FHIT: variants seen among roughly 807,000 people sequenced by gnomAD.
The protein encoded by FHIT is bis(5'-adenosyl)-triphosphatase.
Under a neutral mutation model 17.9 loss-of-function variants are expected in FHIT, and 19 were observed. The ratio of observed to expected loss-of-function variants is 1.06; its 90% confidence interval spans 0.74 to 1.56. FHIT has a LOEUF of 1.56. FHIT is among the 40% of genes most tolerant of loss of function. The pLI, the probability that FHIT is intolerant of heterozygous loss-of-function variation, is 0.00. For synonymous variants in FHIT, 81 were observed against 69.7 expected (o/e 1.16, Z -0.81); for missense variants, 248 against 189.2 (o/e 1.31, Z -1.82).
chr3:60,066,729 T>C (rs1328918941), intron 5 of FHIT, among the ~76,000 whole-genome samples: 1 of 136,724 alleles, frequency 7.3e-6, no homozygotes, highest in Non-Finnish European at 1.5e-5. Flanking sequence ...CGATCTCGGC[T>C]CACTGCAAGC....
intron 5 of FHIT, among the ~76,000 whole-genome samples, chr3:60,524,519 C>T (rs561659577): frequency 1.2e-4 from 18 of 152,024 alleles, no homozygotes; most frequent in African/African-American, 3.4e-4. Context: ...TGGATCTGAG[C>T]GAATGTGGGG....
chr3:60,728,735 G>T (rs1461238633), intron 4 of FHIT, among the ~76,000 whole-genome samples: 1 of 140,802 alleles, frequency 7.1e-6, no homozygotes, highest in Non-Finnish European at 1.5e-5. Flanking sequence ...ACACACAATT[G>T]GCATGCAACA....
chr3:61,094,023 C>T (rs766893759), intron 2 of FHIT, among the ~76,000 whole-genome samples: 6 of 152,012 alleles, frequency 3.9e-5, no homozygotes, highest in Non-Finnish European at 7.4e-5. Flanking sequence ...ATGAGTTTTC[C>T]CTGTAGGTTA....
intron 4 of FHIT, among the ~76,000 whole-genome samples, chr3:60,731,429 C>A (rs964228641): frequency 1.3e-5 from 2 of 152,122 alleles, no homozygotes; most frequent in South Asian, 2.1e-4. Flanking sequence ...CTTGAGAGAT[C>A]GAGTGCATGG....
Position 60,677,509 on chromosome 3 carries a change from G to C in FHIT, c.-17-140530C>G, listed in dbSNP as rs75255769. ...TTCATTCATTTTCTGTGGCTGAATA[G>C]TATTCTATTATGTATACATATATAC... On this transcript the variant is annotated intron_variant, in intron 4 of 9. Coordinates refer to ENST00000492590, the MANE Select transcript of FHIT (RefSeq NM_002012.4). 4.7e-3 allele frequency among the ~76,000 whole-genome samples: 718 copies of C among 152,178 alleles called. 4 individuals are homozygous for C. The highest frequency in any genetic ancestry group is 0.016 in the African/African-American group (684 of 41,520).
intron 5 of FHIT, among the ~76,000 whole-genome samples, chr3:60,279,896 G>T (rs942014275): frequency 6.6e-6 from 1 of 151,868 alleles, no homozygotes; most frequent in Non-Finnish European, 1.5e-5. Context: ...GCCAGGTATG[G>T]TGGCAGGCAC....
intron 4 of FHIT, among the ~76,000 whole-genome samples, chr3:60,636,481 T>A (rs1184690573): frequency 6.6e-6 from 1 of 152,188 alleles, no homozygotes; most frequent in African/African-American, 2.4e-5. Flanking sequence ...GGGAGCTGGA[T>A]AAATTCCTAT....
intron 4 of FHIT, among the ~76,000 whole-genome samples, chr3:60,540,494 A>G (rs1401945452): frequency 6.6e-6 from 1 of 152,196 alleles, no homozygotes; most frequent in Non-Finnish European, 1.5e-5. Context: ...GGCTATCTCC[A>G]GGTACGTAAC....
chr3:60,508,067 A>G (rs969222455), intron 5 of FHIT, among the ~76,000 whole-genome samples: 3 of 152,186 alleles, frequency 2.0e-5, no homozygotes, highest in Non-Finnish European at 2.9e-5. Flanking sequence ...TTTGTGTTTG[A>G]TAAAGCTCTG....
At chr3:60,813,820 G>A (rs1701645711) in intron 4 of FHIT, among the ~76,000 whole-genome samples, 1 of 152,052 alleles carries the variant, frequency 6.6e-6, no homozygotes, top group Admixed American at 6.6e-5. Context: ...TTAATTTAAT[G>A]ACTCCTTTAT....
intron 5 of FHIT, among the ~76,000 whole-genome samples, chr3:60,508,999 A>T (rs1261252960): frequency 6.6e-6 from 1 of 152,168 alleles, no homozygotes; most frequent in African/African-American, 2.4e-5. Flanking sequence ...CACATAGTAC[A>T]TATCTGTGGT....
intron 5 of FHIT, among the ~76,000 whole-genome samples, chr3:60,193,326 T>A (rs1381282400): frequency 2.0e-5 from 3 of 152,136 alleles, no homozygotes; most frequent in Admixed American, 6.5e-5. Context: ...TTTCAATGCA[T>A]GTAAGAGCCA....
intron 5 of FHIT, among the ~76,000 whole-genome samples, chr3:60,222,528 C>A (rs186658481): frequency 6.6e-6 from 1 of 152,190 alleles, no homozygotes; most frequent in Non-Finnish European, 1.5e-5. Flanking sequence ...GGGTGGCTCA[C>A]GCCTGTAATC....
chr3:59,749,768 A>G (rs1700784580), intron 9 of FHIT, 189 bp from the exon 10 acceptor site: 1 of 227,738 alleles, frequency 4.4e-6, no homozygotes. Context: ...CCAGCATCTA[A>G]TTCTTGTTAA....
chr3:60,829,860 T>A (rs1553741991), intron 3 of FHIT, among the ~76,000 whole-genome samples: 1 of 152,038 alleles, frequency 6.6e-6, no homozygotes, highest in African/African-American at 2.4e-5. Flanking sequence ...CAGGAGAAGA[T>A]CTGAAAACAG....
intron 3 of FHIT, among the ~76,000 whole-genome samples, chr3:61,034,777 G>A (rs992561233): frequency 6.6e-6 from 1 of 152,070 alleles, no homozygotes; most frequent in Non-Finnish European, 1.5e-5. Flanking sequence ...AATCTCACTG[G>A]TAGGTATATA....
intron 3 of FHIT, among the ~76,000 whole-genome samples, chr3:60,983,626 C>G (rs1010988501): frequency 6.6e-6 from 1 of 152,132 alleles, no homozygotes; most frequent in Non-Finnish European, 1.5e-5. Context: ...GCATTAGTGA[C>G]CTGGCTCTGT....
At chr3:59,989,375 G>A (rs189769844) in intron 7 of FHIT, among the ~76,000 whole-genome samples, 1 of 151,922 alleles carries the variant, frequency 6.6e-6, no homozygotes, top group Admixed American at 6.6e-5. Flanking sequence ...CAGCACCTAG[G>A]GAACAAAGCA....
intron 4 of FHIT, among the ~76,000 whole-genome samples, chr3:60,769,989 T>C (rs1175950347): frequency 1.3e-5 from 2 of 151,948 alleles, no homozygotes; most frequent in African/African-American, 4.8e-5. Context: ...AAAAAGGGAG[T>C]TATTGTGTTG....
Sources: allele counts gnomAD v4.1 joint callset (sites outside exome capture counted in the v4.1 genomes callset), GRCh38; gene constraint gnomAD v4.1.1; transcripts MANE v1.5; gene names NCBI Gene and HGNC (gene_info 2026-07-23, HGNC 2026-07-21).